The following CRB2 variants were observed in gnomAD, a reference collection of about 807,000 sequenced individuals.
CRB2 encodes the protein protein crumbs homolog 2.
A neutral mutation model predicts 110.9 loss-of-function variants in CRB2; 85 were observed. The ratio of observed to expected loss-of-function variants is 0.77; its 90% confidence interval spans 0.64 to 0.92. The LOEUF is 0.92. CRB2 is among the 40% of genes least tolerant of loss of function. CRB2 has a pLI of 0.00. For missense variants in CRB2, 1,843 were observed against 1,851.3 expected (o/e 1.00, Z 0.08); for synonymous variants, 907 against 831.0 (o/e 1.09, Z -1.57).
Position 123,377,025 on chromosome 9 carries a change from G to A in CRB2, c.3821G>A (p.Ser1274Asn), listed in dbSNP as rs763114822. The A allele has an allele frequency of 1.9e-6, 3 of 1,604,810 alleles. No homozygotes were observed. The highest frequency in any genetic ancestry group is 3.4e-5 in the Admixed American group (2 of 59,140). Residue 1274 changes from serine (S) to asparagine (N), a missense_variant, in exon 13 of 13, where the codon AGT becomes AAT. Transcript: ENST00000373631. ...EVAGARLEMD[S>N]VLKVPPEERL... Reference sequence around the variant, plus strand: ...GCTGGGGCCCGGCTGGAGATGGACAGTGTCCTCAAGGTGCCACCGGAGGAG... The same window carrying A: ...GCTGGGGCCCGGCTGGAGATGGACAATGTCCTCAAGGTGCCACCGGAGGAG...
downstream of CRB2, among the ~76,000 whole-genome samples, chr9:123,378,998 A>C (rs913391734): frequency 6.6e-6 from 1 of 151,118 alleles, no homozygotes; most frequent in Non-Finnish European, 1.5e-5. Flanking sequence ...CATCTTGGCC[A>C]GGCTGGTCTT....
chr9:123,373,625 G>A lies in CRB2; in HGVS notation c.3094G>A (p.Gly1032Ser), dbSNP rs993637944. 5.9e-6 allele frequency: 8 copies of A among 1,363,098 alleles called. No individual in the cohort carries two copies. The South Asian group carries it at 7.2e-5, about 12-fold the overall frequency. The allele number at this position is 1,363,098 out of a possible 1,614,324, so 84.4% of individuals were successfully genotyped here. A position where few individuals can be genotyped will look rare whatever the true frequency, so the allele number is the denominator to read the frequency against. ...LPLPLARPRP[G>S]AAPGAREHFA... ...CCTGCCCTTGGCGCGGCCCCGGCCC[G>A]GCGCGGCCCCTGGCGCCCGAGAGCA... The change falls in exon 10 of 13, where the codon GGC (glycine) becomes AGC (serine). Residue 1032 changes from glycine (G) to serine (S), a missense_variant. Physicochemically the swap from Gly to Ser is moderately conservative, Grantham distance 56. Coordinates refer to ENST00000373631, the MANE Select transcript of CRB2 (RefSeq NM_173689.7).
chr9:123,373,472 G>T lies in CRB2; in HGVS notation c.2941G>T (p.Ala981Ser). ...SRWLLWLDGA[A>S]TPVALRGLAS... ...CTGGCTGCTGTGGCTGGATGGTGCC[G>T]CCACCCCGGTGGCGCTGCGCGGCCT... The change falls in exon 10 of 13, where the codon GCC (alanine) becomes TCC (serine). Residue 981 changes from alanine to serine, a missense_variant. Ala to Ser is a moderately conservative substitution (Grantham distance 99). Coordinates refer to ENST00000373631, the MANE Select transcript of CRB2 (RefSeq NM_173689.7). 1 of 1,451,768 alleles carries T rather than the reference G, an allele frequency of 6.9e-7. No homozygotes were observed. The highest frequency in any genetic ancestry group is 1.5e-5 in the African/African-American group (1 of 67,654). The allele number at this position is 1,451,768 out of a possible 1,614,324, so 89.9% of individuals were successfully genotyped here.
At position 123,377,248 on chromosome 9, in the gene CRB2, T is replaced by C; in HGVS notation, c.*186T>C. The C allele has an allele frequency of 4.9e-6, 3 of 611,302 alleles. No individual in the cohort carries two copies. The East Asian group carries it at 8.5e-5, about 17-fold the overall frequency. The allele number at this position is 611,302 out of a possible 1,614,324, so 37.9% of individuals were successfully genotyped here. On this transcript the variant is annotated 3_prime_UTR_variant, in exon 13 of 13. Coordinates refer to ENST00000373631, the MANE Select transcript of CRB2 (RefSeq NM_173689.7). ...GGAGCAACTCAGGGAAACAGAGGCC[T>C]AGAGAGGCTGCGGACTTCTCCATCC...
In CRB2 at chr9:123,376,762, C is replaced by T. The variant is rs545120227; in HGVS notation, c.3634-76C>T. On this transcript the variant is annotated intron_variant, in intron 12 of 12. Transcript: ENST00000373631. ...TTTCTCTGAGTAGGTCCTTGTGCTG[C>T]GCTCTCTGCTCTCTGAGGGCCCCGG... The T allele has an allele frequency of 8.5e-5, 114 of 1,338,814 alleles. 3 individuals carry two copies. The highest frequency in any genetic ancestry group is 5.5e-4 in the South Asian group (40 of 73,044). The allele number at this position is 1,338,814 out of a possible 1,614,324, so 82.9% of individuals were successfully genotyped here. A position where few individuals can be genotyped will look rare whatever the true frequency, so the allele number is the denominator to read the frequency against.
intron 1 of CRB2, among the ~76,000 whole-genome samples, chr9:123,358,590 G>A (rs1421522102): frequency 6.6e-6 from 1 of 152,234 alleles, no homozygotes; most frequent in African/African-American, 2.4e-5. Flanking sequence ...GGCAGGCACT[G>A]TGCTATTATT....
At chr9:123,359,881 G>A (rs186565765) in intron 1 of CRB2, among the ~76,000 whole-genome samples, 48 of 152,252 alleles carry the variant, frequency 3.2e-4, no homozygotes, top group African/African-American at 1.1e-3. Context: ...CTGGATAGAC[G>A]GGGAAGATTG....
At chr9:123,380,266 C>T (rs1457880634), downstream of CRB2, 1 of 152,472 alleles carries the variant, frequency 6.6e-6, no homozygotes, top group African/African-American at 2.4e-5. Flanking sequence ...GAATCCATTT[C>T]AAGATTCATC....
Position 123,367,558 on chromosome 9 carries a change from C to T in CRB2, c.941-15C>T, listed in dbSNP as rs2041955080. On this transcript the variant is annotated splice_polypyrimidine_tract_variant and intron_variant, in intron 5 of 12. Coordinates refer to ENST00000373631, the MANE Select transcript of CRB2 (RefSeq NM_173689.7). ...CTGAGGGTGCAGGTGGGACCCACAG[C>T]TGGGCCTCTTACAGGAGCCGACTGC... The T allele has an allele frequency of 6.5e-7, 1 of 1,545,956 alleles. No individual in the cohort carries two copies. Among genetic ancestry groups the T allele is most frequent in the East Asian group, 2.4e-5 (1 of 40,934 alleles).
At chr9:123,354,985 C>A (rs528565591), upstream of CRB2, among the ~76,000 whole-genome samples, 1 of 152,170 alleles carries the variant, frequency 6.6e-6, no homozygotes, top group African/African-American at 2.4e-5. Context: ...TGTGTCCTCC[C>A]GTGTCAGGGA....
chr9:123,358,138 G>A (rs746218370), intron 1 of CRB2, among the ~76,000 whole-genome samples: 5 of 152,216 alleles, frequency 3.3e-5, no homozygotes, highest in Non-Finnish European at 5.9e-5. Context: ...GCCGGGAGGG[G>A]AGGGATTGGG....
At chr9:123,374,898 G>A (rs2042080459) in intron 11 of CRB2, among the ~76,000 whole-genome samples, 1 of 152,232 alleles carries the variant, frequency 6.6e-6, no homozygotes, top group South Asian at 2.1e-4. Flanking sequence ...TTGCCTGGTG[G>A]CAGTTCTGGA....
chr9:123,379,514 TG>T (rs1456562426), downstream of CRB2: 6 of 152,430 alleles, frequency 3.9e-5, no homozygotes, highest in Non-Finnish European at 5.9e-5. Flanking sequence ...GGCACCGGCT[TG>T]GGAGGGTGCG....
At position 123,356,245 on chromosome 9, in the gene CRB2, CG is replaced by C. The variant is rs2041796122; in HGVS notation, c.-15del. ...CCGTTCTCACAGCAGCCGAGCAGAG[CG>C]CAGAGCGGGCTGCCATGGCGCTGGC... On this transcript the variant is annotated 5_prime_UTR_variant, in exon 1 of 13. Transcript: ENST00000373631. 16 of 150,380 alleles carry C rather than the reference CG, an allele frequency of 1.1e-4. No individual in the cohort carries two copies. The South Asian group carries it at 2.0e-3, about 18-fold the overall frequency. The allele number at this position is 150,380 out of a possible 1,614,324, so 9.3% of individuals were successfully genotyped here.
chr9:123,356,176 G>A, upstream of CRB2: 1 of 922,494 alleles, frequency 1.1e-6, no homozygotes. Context: ...CATTAGTGCT[G>A]GTTGGAGGGA....
intron 1 of CRB2, among the ~76,000 whole-genome samples, chr9:123,361,660 A>T (rs966118121): frequency 6.6e-6 from 1 of 152,138 alleles, no homozygotes; most frequent in Non-Finnish European, 1.5e-5. Flanking sequence ...CTCCTCCCCC[A>T]TCCCTTACCG....
At chr9:123,354,986 G>A (rs900466716), upstream of CRB2, among the ~76,000 whole-genome samples, 4 of 152,280 alleles carry the variant, frequency 2.6e-5, no homozygotes, top group South Asian at 2.1e-4. Context: ...GTGTCCTCCC[G>A]TGTCAGGGAC....
chr9:123,359,444 T>G (rs1181481516), intron 1 of CRB2, among the ~76,000 whole-genome samples: 2 of 120,148 alleles, frequency 1.7e-5, no homozygotes, highest in African/African-American at 7.5e-5. Flanking sequence ...TTGTTTTGTT[T>G]TTTTTTTTTT....
At chr9:123,367,887 C>A (rs1467978418) in intron 6 of CRB2, among the ~76,000 whole-genome samples, 1 of 151,914 alleles carries the variant, frequency 6.6e-6, no homozygotes, top group Non-Finnish European at 1.5e-5. Flanking sequence ...GTAGTCCTGG[C>A]AGCTGGGGCC....
Sources: allele counts gnomAD v4.1 joint callset (sites outside exome capture counted in the v4.1 genomes callset), GRCh38; gene constraint gnomAD v4.1.1; transcripts MANE v1.5; gene names NCBI Gene and HGNC (gene_info 2026-07-23, HGNC 2026-07-21).